KDELR1: variants seen among roughly 807,000 people sequenced by gnomAD.
KDELR1 encodes ER lumen protein-retaining receptor 1.
Under a neutral mutation model 25.5 loss-of-function variants are expected in KDELR1, and 16 were observed. That is an observed-to-expected ratio of 0.63 (90% CI 0.43 to 0.95). The LOEUF is 0.95. KDELR1 is among the 40% of genes least tolerant of loss of function. The probability of loss-of-function intolerance (pLI) is 0.00; values close to 1 mark genes in which losing one functional copy is unlikely to be tolerated. For synonymous variants in KDELR1, 121 were observed against 115.0 expected, an observed-to-expected ratio of 1.05 and a Z score of -0.33; for missense variants, 159 against 265.2, an observed-to-expected ratio of 0.60 and a Z score of 2.78.
chr19:48,388,797 GAGAA>G (rs1311218791), intron 3 of KDELR1, among the ~76,000 whole-genome samples: 80 of 140,240 alleles, frequency 5.7e-4, no homozygotes, highest in African/African-American at 1.8e-3. Context: ...AGGAAAGAAA[GAGAA>G]AGAAAGGAAG....
chr19:48,388,840 G>A (rs957566147), intron 3 of KDELR1, among the ~76,000 whole-genome samples: 2 of 147,934 alleles, frequency 1.4e-5, no homozygotes, highest in Non-Finnish European at 3.0e-5. Context: ...AGAAAGGAAG[G>A]AGGAAAGGAA....
intron 1 of KDELR1, 126 bp from the exon 2 acceptor site, chr19:48,390,650 G>A (rs1237664038): frequency 2.9e-6 from 2 of 688,522 alleles, no homozygotes; most frequent in Admixed American, 5.1e-5. Context: ...ATAAACTAAG[G>A]CAGGGCGCCC....
chr19:48,390,472 A>G lies in KDELR1; in HGVS notation c.144T>C (p.Tyr48=). 1.9e-6 allele frequency: 3 copies of G among 1,614,122 alleles called. No homozygotes were observed. Among genetic ancestry groups the G allele is most frequent in the African/African-American group, 2.7e-5 (2 of 75,028 alleles). The change falls in exon 2 of 5, where the codon TAT becomes TAC. Residue 48 remains tyrosine (Y), a synonymous_variant. Transcript: ENST00000330720. ...AGATGTAGTTGGTGAAGAGGTCCAG[A>G]TATCGGGCAGTGAACACCACAGCAA... is the stretch of plus-strand genomic sequence containing the variant. The part of the protein sequence containing the change: ...VLFAVVFTAR[Y]LDLFTNYISL...
In KDELR1 at chr19:48,390,514, C is replaced by A; in HGVS notation, c.102G>T (p.Gly34=). The A allele has an allele frequency of 6.2e-7, 1 of 1,612,428 alleles. No individual in the cohort carries two copies. Among genetic ancestry groups the A allele is most frequent in the Non-Finnish European group, 8.5e-7 (1 of 1,179,090 alleles). ...WKSRSCAGIS[G]KSQVLFAVVF... ...CCACAGCAAACAGGACCTGGCTCTT[C>A]CCTGAAATTCCTGTGGTCCAGAGAC... The change falls in exon 2 of 5, where the codon GGG becomes GGT. Residue 34 remains glycine (G), a synonymous_variant. Transcript: ENST00000330720.
upstream of KDELR1, among the ~76,000 whole-genome samples, chr19:48,395,690 G>A (rs1374371037): frequency 6.6e-6 from 1 of 152,038 alleles, no homozygotes; most frequent in African/African-American, 2.4e-5. Flanking sequence ...GACAGGCTGT[G>A]CTATGTACAG....
chr19:48,388,009 G>A (rs1275747292), intron 3 of KDELR1, among the ~76,000 whole-genome samples: 1 of 152,188 alleles, frequency 6.6e-6, no homozygotes, highest in Non-Finnish European at 1.5e-5. Flanking sequence ...AAAAGTAAAA[G>A]TATCAGAGAT....
upstream of KDELR1, among the ~76,000 whole-genome samples, chr19:48,394,048 T>G (rs1970599461): frequency 6.6e-6 from 1 of 151,764 alleles, no homozygotes; most frequent in Non-Finnish European, 1.5e-5. This position sits in a 1 kb window ranked among gnomAD's most constrained non-coding sequence, Gnocchi z 5.1. Flanking sequence ...AGATGGATGG[T>G]GTGTACCTGG....
chr19:48,383,241 G>A lies in KDELR1; in HGVS notation c.*52C>T, dbSNP rs370963285. Reference sequence around the variant, plus strand: ...ATGGGAAAGCTCTTCATCTTCTGCCGCCTTCCTCTGCCTCCCGCTGCTGCC... The same window carrying A: ...ATGGGAAAGCTCTTCATCTTCTGCCACCTTCCTCTGCCTCCCGCTGCTGCC... On this transcript the variant is annotated 3_prime_UTR_variant, in exon 5 of 5. Coordinates refer to ENST00000330720, the MANE Select transcript of KDELR1 (RefSeq NM_006801.3). The A allele has an allele frequency of 2.6e-6, 4 of 1,536,684 alleles. No homozygotes were observed. Among genetic ancestry groups the A allele is most frequent in the South Asian group, 2.4e-5 (2 of 83,810 alleles).
intron 3 of KDELR1, among the ~76,000 whole-genome samples, chr19:48,389,252 A>G (rs1241220600): frequency 6.6e-6 from 1 of 152,168 alleles, no homozygotes; most frequent in Non-Finnish European, 1.5e-5. Context: ...TCTGGGCAAC[A>G]GAGCGAGACT....
chr19:48,390,575 G>GAC, intron 1 of KDELR1, 51 bp from the exon 2 acceptor site: 2 of 1,262,048 alleles, frequency 1.6e-6, no homozygotes, highest in South Asian at 2.4e-5. Flanking sequence ...GAGAGAGAGA[G>GAC]AGAGACAGAC....
upstream of KDELR1, among the ~76,000 whole-genome samples, chr19:48,393,738 C>A (rs940266595): frequency 6.6e-6 from 1 of 152,108 alleles, no homozygotes; most frequent in Non-Finnish European, 1.5e-5. The surrounding 1 kb of genome is among the most constrained non-coding windows in gnomAD (Gnocchi z 5.6). Context: ...CTCCTCCAAG[C>A]CGCGGCCGCC....
At chr19:48,395,648 T>A (rs1257468784), upstream of KDELR1, among the ~76,000 whole-genome samples, 7 of 151,904 alleles carry the variant, frequency 4.6e-5, no homozygotes, top group Admixed American at 4.6e-4. Flanking sequence ...CCCTAGGAAT[T>A]TCTGGCACCC....
upstream of KDELR1, among the ~76,000 whole-genome samples, chr19:48,394,181 CTGTG>C (rs138288378): frequency 2.0e-5 from 3 of 151,556 alleles, no homozygotes; most frequent in East Asian, 5.8e-4. The surrounding 1 kb of genome is among the most constrained non-coding windows in gnomAD (Gnocchi z 5.1). Context: ...ACCCCCCACT[CTGTG>C]TGTGTGTGTC....
chr19:48,391,788 C>T (rs1284962524), upstream of KDELR1, among the ~76,000 whole-genome samples: 1 of 152,156 alleles, frequency 6.6e-6, no homozygotes, highest in Non-Finnish European at 1.5e-5. Flanking sequence ...TCCAGTACAC[C>T]AGCCTCAGCC....
chr19:48,392,419 C>G (rs1353253112), upstream of KDELR1, among the ~76,000 whole-genome samples: 6 of 151,782 alleles, frequency 4.0e-5, no homozygotes. Flanking sequence ...CCCTCAGACC[C>G]AGGGGTCCAG....
intron 3 of KDELR1, chr19:48,387,818 C>T (rs1414206950): frequency 6.6e-6 from 1 of 152,128 alleles, no homozygotes; most frequent in Non-Finnish European, 1.5e-5. Flanking sequence ...CCAGGCCTAT[C>T]TTCCTATAAG....
At position 48,390,577 on chromosome 19, in the gene KDELR1, G is replaced by GAGAGAGAGAGAGAGAGAGAGAGAGAC. The variant is rs1555890422; in HGVS notation, c.92-54_92-53insGTCTCTCTCTCTCTCTCTCTCTCTCT. The GAGAGAGAGAGAGAGAGAGAGAGAGAC allele has an allele frequency of 9.2e-5, 90 of 980,360 alleles. No homozygotes were observed. The African/African-American group carries it at 1.4e-3, about 15-fold the overall frequency. The allele number at this position is 980,360 out of a possible 1,614,324, so 60.7% of individuals were successfully genotyped here. ...AGAGAGAGAGACAGAGAGAGAGAGAGAGACAGACAGACAGACAGACAGACA... is the reference window on the plus strand; with the variant it reads ...AGAGAGAGAGACAGAGAGAGAGAGAGAGAGAGAGAGAGAGAGAGAGAGAGACAGACAGACAGACAGACAGACAGACA... On this transcript the variant is annotated intron_variant, in intron 1 of 4. Transcript: ENST00000330720.
Position 48,384,202 on chromosome 19 carries a change from C to G in KDELR1, c.604+28G>C. 6.2e-7 allele frequency: 1 copy of G among 1,611,036 alleles called. No individual in the cohort carries two copies. Among genetic ancestry groups the G allele is most frequent in the Non-Finnish European group, 8.5e-7 (1 of 1,177,552 alleles). ...CAGGAGCTGCAGAAATAGGAGGTTC[C>G]CTTCCAGCCGTCCCACATTCCAGCT... is the stretch of plus-strand genomic sequence containing the variant. On this transcript the variant is annotated intron_variant, in intron 4 of 4. Coordinates refer to ENST00000330720, the MANE Select transcript of KDELR1 (RefSeq NM_006801.3). This position sits in a 1 kb window ranked among gnomAD's most constrained non-coding sequence, Gnocchi z 4.6.
At position 48,383,115 on chromosome 19, in the gene KDELR1, C is replaced by G. The variant is rs1970469147; in HGVS notation, c.*178G>C. The G allele has an allele frequency of 3.1e-6, 2 of 636,768 alleles. No individual in the cohort carries two copies. The highest frequency in any genetic ancestry group is 3.7e-5 in the African/African-American group (2 of 54,438). 39.4% of individuals were successfully genotyped at this position (636,768 alleles called of 1,614,324 possible). ...CAAAAAACTACAAACAGCCCAAGTC[C>G]TGAGCTCCCCAAGACCTGGATCCTC... On this transcript the variant is annotated 3_prime_UTR_variant, in exon 5 of 5. Coordinates refer to ENST00000330720, the MANE Select transcript of KDELR1 (RefSeq NM_006801.3).
Sources: allele counts gnomAD v4.1 joint callset (sites outside exome capture counted in the v4.1 genomes callset), GRCh38; gene constraint gnomAD v4.1.1; non-coding constraint Gnocchi (gnomAD v3.1); transcripts MANE v1.5; gene names NCBI Gene and HGNC (gene_info 2026-07-23, HGNC 2026-07-21).